NKAIN3: variants seen among roughly 807,000 people sequenced by gnomAD.
The protein encoded by NKAIN3 is sodium/potassium-transporting ATPase subunit beta-1-interacting protein 3.
NKAIN3 carries 25 observed loss-of-function variants against 30.2 expected under a neutral mutation model. The ratio of observed to expected loss-of-function variants is 0.83; its 90% CI spans 0.60 to 1.16. NKAIN3 has a LOEUF of 1.16. NKAIN3 is among the 50% of genes most tolerant of loss of function. The pLI is 0.00. For missense variants in NKAIN3, 225 were observed against 254.1 expected (o/e 0.89, Z 0.78); for synonymous variants, 91 against 89.6 (o/e 1.02, Z -0.09).
intron 3 of NKAIN3, among the ~76,000 whole-genome samples, chr8:62,698,610 A>T (rs1814237083): frequency 6.6e-6 from 1 of 152,130 alleles, no homozygotes; most frequent in Non-Finnish European, 1.5e-5. Flanking sequence ...CGCTACATAT[A>T]CTCTACTGTG....
intron 1 of NKAIN3, among the ~76,000 whole-genome samples, chr8:62,523,185 T>C (rs1238061927): frequency 2.6e-5 from 4 of 152,160 alleles, no homozygotes; most frequent in Non-Finnish European, 5.9e-5. Flanking sequence ...TCCTAGAGTA[T>C]TCAGTAAAAT....
At chr8:62,440,892 A>G (rs1805303608) in intron 1 of NKAIN3, among the ~76,000 whole-genome samples, 1 of 151,996 alleles carries the variant, frequency 6.6e-6, no homozygotes, top group Non-Finnish European at 1.5e-5. Flanking sequence ...TGCTGTTCCG[A>G]ATATCCTAAT....
chr8:62,833,947 G>T (rs996935092), intron 4 of NKAIN3, among the ~76,000 whole-genome samples: 3 of 149,170 alleles, frequency 2.0e-5, no homozygotes, highest in Admixed American at 1.3e-4. Flanking sequence ...GCAAACTGAA[G>T]CTAGAAATCA....
intron 1 of NKAIN3, among the ~76,000 whole-genome samples, chr8:62,301,867 T>C (rs973946052): frequency 5.9e-5 from 9 of 152,130 alleles, no homozygotes; most frequent in African/African-American, 2.2e-4. Flanking sequence ...CTAACCAAAG[T>C]TGAAAAAAGC....
intron 4 of NKAIN3, chr8:62,864,252 G>T: frequency 2.2e-6 from 2 of 910,906 alleles, no homozygotes; most frequent in Non-Finnish European, 3.5e-6. Context: ...AGAGGAGGCG[G>T]CCGAGGCAGA....
chr8:62,842,072 T>C (rs545054213), intron 4 of NKAIN3, among the ~76,000 whole-genome samples: 1 of 152,300 alleles, frequency 6.6e-6, no homozygotes, highest in African/African-American at 2.4e-5. Context: ...CATTTGTTAA[T>C]GAACCTTTTG....
chr8:62,760,982 T>C (rs576099434), intron 4 of NKAIN3, among the ~76,000 whole-genome samples: 3 of 152,284 alleles, frequency 2.0e-5, no homozygotes, highest in African/African-American at 7.2e-5. Context: ...AGGTATTGCT[T>C]AGCACTTTAC....
At chr8:62,400,053 C>T (rs1258140084) in intron 1 of NKAIN3, among the ~76,000 whole-genome samples, 3 of 151,586 alleles carry the variant, frequency 2.0e-5, no homozygotes, top group Non-Finnish European at 4.4e-5. Context: ...AGAGGAGGAA[C>T]ATTTTTTTGT....
At chr8:62,340,307 T>C (rs891744682) in intron 1 of NKAIN3, among the ~76,000 whole-genome samples, 1 of 151,940 alleles carries the variant, frequency 6.6e-6, no homozygotes, top group Non-Finnish European at 1.5e-5. Context: ...CTCCTGGGTA[T>C]GGGGCAGGTC....
At chr8:62,347,647 A>G (rs1180464006) in intron 1 of NKAIN3, among the ~76,000 whole-genome samples, 1 of 152,116 alleles carries the variant, frequency 6.6e-6, no homozygotes, top group East Asian at 1.9e-4. Flanking sequence ...ATATGAATAA[A>G]CATGTAAGAA....
chr8:62,587,628 T>A (rs559657131), intron 2 of NKAIN3, among the ~76,000 whole-genome samples: 3 of 152,120 alleles, frequency 2.0e-5, no homozygotes, highest in Admixed American at 2.0e-4. Flanking sequence ...CTATCAGGTG[T>A]CAAATCCTAA....
chr8:62,358,022 T>C (rs1305402447), intron 1 of NKAIN3, among the ~76,000 whole-genome samples: 1 of 152,126 alleles, frequency 6.6e-6, no homozygotes, highest in African/African-American at 2.4e-5. Flanking sequence ...TGGTTGATAT[T>C]TTAAGAGTCA....
intron 2 of NKAIN3, among the ~76,000 whole-genome samples, chr8:62,586,513 C>T (rs1810481260): frequency 6.6e-6 from 1 of 152,002 alleles, no homozygotes; most frequent in Non-Finnish European, 1.5e-5. Context: ...AATGTTACAA[C>T]AATGACTGAG....
At chr8:62,401,013 T>TTCTCTCTCTCTCTCTCTCTC (rs71559370) in intron 1 of NKAIN3, among the ~76,000 whole-genome samples, 2,161 of 143,734 alleles carry the variant, frequency 0.015, 51 homozygotes, top group Non-Finnish European at 0.022. Flanking sequence ...CTTTCTACCT[T>TTCTCTCTCTCTCTCTCTCTC]TCTCTCACTC....
chr8:62,376,954 A>G (rs1217046534), intron 1 of NKAIN3, among the ~76,000 whole-genome samples: 1 of 152,158 alleles, frequency 6.6e-6, no homozygotes. Context: ...TTTTCTATAT[A>G]TAACACAAAA....
intron 1 of NKAIN3, among the ~76,000 whole-genome samples, chr8:62,366,817 G>A (rs572880253): frequency 6.6e-6 from 1 of 152,088 alleles, no homozygotes; most frequent in East Asian, 1.9e-4. Flanking sequence ...CTTTTTTAAT[G>A]TAGGCATTTA....
rs985690819 is a variant in NKAIN3, at chr8:62,814,762, G to A, written c.471+67633G>A. Among the ~76,000 whole-genome samples the A allele has an allele frequency of 2.4e-4, 37 of 151,994 alleles. 1 individual carries two copies. Among genetic ancestry groups the A allele is most frequent in the African/African-American group, 8.2e-4 (34 of 41,442 alleles). ...TAGAGGGAAATTTATAGCACTAAAT[G>A]CCCACAAGAGAAAGCGGGAAAGATC... On this transcript the variant is annotated intron_variant, in intron 4 of 6. Coordinates refer to ENST00000623646, the MANE Select transcript of NKAIN3 (RefSeq NM_001304533.3).
At chr8:62,669,833 G>A (rs1327165872) in intron 3 of NKAIN3, among the ~76,000 whole-genome samples, 1 of 152,178 alleles carries the variant, frequency 6.6e-6, no homozygotes, top group African/African-American at 2.4e-5. Context: ...TGACAAGGAA[G>A]TGTGATTGCC....
At chr8:62,491,041 A>T (rs1807052493) in intron 1 of NKAIN3, among the ~76,000 whole-genome samples, 1 of 152,204 alleles carries the variant, frequency 6.6e-6, no homozygotes, top group Non-Finnish European at 1.5e-5. Flanking sequence ...ACTGATTGAC[A>T]AGCATCTTCA....
Sources: gnomAD v4.1 joint callset for allele counts (sites outside exome capture counted in the v4.1 genomes callset) on GRCh38, gnomAD v4.1.1 for gene constraint, MANE v1.5 for transcripts, NCBI Gene and HGNC (gene_info 2026-07-23, HGNC 2026-07-21) for gene names.